The following NFE2L3 variants were observed in gnomAD, a reference collection of about 807,000 sequenced individuals.
NFE2L3 encodes nuclear factor erythroid 2-related factor 3.
Under a neutral mutation model 23.5 loss-of-function variants are expected in NFE2L3, and 18 were observed. The ratio of observed to expected loss-of-function variants is 0.77; its 90% CI spans 0.53 to 1.13. The LOEUF (loss-of-function observed/expected upper bound fraction) is 1.13, where lower values mean the gene tolerates loss of function less well. NFE2L3 is among the 50% of genes most tolerant of loss of function. NFE2L3 has a pLI of 0.00. For synonymous variants in NFE2L3, 424 were observed against 354.5 expected (o/e 1.20, Z -2.20); for missense variants, 1,152 against 877.2 (o/e 1.31, Z -3.96).
chr7:26,168,577 T>A (rs1784287263), intron 1 of NFE2L3, among the ~76,000 whole-genome samples: 1 of 149,174 alleles, frequency 6.7e-6, no homozygotes, highest in African/African-American at 2.4e-5. Context: ...TAGAGAGAGA[T>A]TATAGATATA....
Position 26,187,092 on chromosome 7 carries a change from G to C in NFE2L3, c.*1309G>C, listed in dbSNP as rs1782506621. On this transcript the variant is annotated 3_prime_UTR_variant, in exon 4 of 4. Transcript: ENST00000056233. Reference sequence around the variant, plus strand: ...AGAAATGCAGTTTATATATACCGTTGGATTTTTATAATAAAGTTTCCCAAG... The same window carrying C: ...AGAAATGCAGTTTATATATACCGTTCGATTTTTATAATAAAGTTTCCCAAG... The C allele has an allele frequency of 6.6e-6, 1 of 152,084 alleles. No homozygotes were observed. Among genetic ancestry groups the C allele is most frequent in the Non-Finnish European group, 1.5e-5 (1 of 68,020 alleles). 9.4% of individuals were successfully genotyped at this position (152,084 alleles called of 1,614,324 possible).
intron 2 of NFE2L3, among the ~76,000 whole-genome samples, chr7:26,182,106 C>G (rs1267352501): frequency 6.6e-6 from 1 of 152,018 alleles, no homozygotes; most frequent in Non-Finnish European, 1.5e-5. Flanking sequence ...ACACAGAGCT[C>G]CTAACGAAAA....
In NFE2L3 at chr7:26,185,134, A is replaced by T; in HGVS notation, c.1436A>T (p.Asp479Val). 1.2e-6 allele frequency: 2 copies of T among 1,613,886 alleles called. No homozygotes were observed. The highest frequency in any genetic ancestry group is 2.2e-5 in the South Asian group (2 of 91,072). ...YPEPSKLCHL[D>V]QSDSDFHGDL... ...GAACCCAGTAAGCTTTGTCACTTGGATCAAAGTGATTCTGATTTCCATGGA... is the reference window on the plus strand; with the variant it reads ...GAACCCAGTAAGCTTTGTCACTTGGTTCAAAGTGATTCTGATTTCCATGGA... Residue 479 changes from aspartate to valine, a missense_variant, in exon 4 of 4, where the codon GAT (aspartate) becomes GTT (valine). Physicochemically the swap from Asp to Val is radical, Grantham distance 152. Coordinates refer to ENST00000056233, the MANE Select transcript of NFE2L3 (RefSeq NM_004289.7).
Position 26,185,679 on chromosome 7 carries a change from C to T in NFE2L3, c.1981C>T (p.His661Tyr), listed in dbSNP as rs571455901. 1 of 1,613,842 alleles carries T rather than the reference C, an allele frequency of 6.2e-7. No homozygotes were observed. Among genetic ancestry groups the T allele is most frequent in the South Asian group, 1.1e-5 (1 of 91,046 alleles). Residue 661 changes from histidine to tyrosine, a missense_variant, in exon 4 of 4, where the codon CAC (histidine) becomes TAC (tyrosine). Transcript: ENST00000056233. Reference protein sequence around the residue: ...DDQGRPVNPNHYALQCTHDGS... With the variant: ...DDQGRPVNPNYYALQCTHDGS... The stretch of plus-strand genomic sequence containing the variant: ...CCAAGGTAGGCCAGTCAATCCCAAC[C>T]ACTATGCTCTCCAGTGTACCCATGA...
chr7:26,172,433 A>C (rs540180753), intron 1 of NFE2L3, among the ~76,000 whole-genome samples: 1 of 152,340 alleles, frequency 6.6e-6, no homozygotes, highest in African/African-American at 2.4e-5. Context: ...GATACTTATT[A>C]GTGTATATTT....
At chr7:26,153,320 G>C (rs1472231977) in intron 1 of NFE2L3, among the ~76,000 whole-genome samples, 2 of 152,228 alleles carry the variant, frequency 1.3e-5, no homozygotes, top group Admixed American at 1.3e-4. Flanking sequence ...ACCTTTCCTT[G>C]TGTGTGATGG....
chr7:26,174,866 T>G (rs187546113), intron 1 of NFE2L3: 3 of 152,346 alleles, frequency 2.0e-5, no homozygotes, highest in Admixed American at 2.0e-4. Context: ...TTTAACATGA[T>G]AGTTGAAACT....
intron 1 of NFE2L3, among the ~76,000 whole-genome samples, chr7:26,157,133 A>T (rs1457601857): frequency 6.6e-6 from 1 of 152,046 alleles, no homozygotes; most frequent in South Asian, 2.1e-4. Context: ...AAAGAAAAGA[A>T]ACTGTTGGGC....
chr7:26,168,255 G>C (rs1784280156), intron 1 of NFE2L3, among the ~76,000 whole-genome samples: 1 of 151,374 alleles, frequency 6.6e-6, no homozygotes, highest in South Asian at 2.1e-4. Context: ...TCCTGCCTCA[G>C]CCTCCCAAGT....
At chr7:26,156,903 G>A (rs1784090622) in intron 1 of NFE2L3, among the ~76,000 whole-genome samples, 1 of 152,076 alleles carries the variant, frequency 6.6e-6, no homozygotes, top group South Asian at 2.1e-4. Flanking sequence ...ACGAGATCAA[G>A]ACATCGAGAC....
intron 3 of NFE2L3, chr7:26,184,324 C>T: frequency 1.9e-6 from 1 of 523,940 alleles, no homozygotes. Flanking sequence ...ATCTTAATTT[C>T]TAGGTTACTC....
chr7:26,180,250 AGGGGAGGG>A (rs1784482598), intron 2 of NFE2L3, among the ~76,000 whole-genome samples: 1 of 152,158 alleles, frequency 6.6e-6, no homozygotes, highest in Non-Finnish European at 1.5e-5. Context: ...CTTCAGATGA[AGGGGAGGG>A]GGTAGAGAGC....
At chr7:26,164,237 C>G (rs889152930) in intron 1 of NFE2L3, among the ~76,000 whole-genome samples, 15 of 152,218 alleles carry the variant, frequency 9.9e-5, no homozygotes, top group Non-Finnish European at 2.1e-4. Context: ...GCCACACTGA[C>G]TTCCACAATG....
intron 1 of NFE2L3, among the ~76,000 whole-genome samples, chr7:26,177,733 GTTAAT>G (rs949956282): frequency 6.6e-6 from 1 of 152,226 alleles, no homozygotes; most frequent in Non-Finnish European, 1.5e-5. Flanking sequence ...ATAAGTGCAT[GTTAAT>G]TTAAATTGCA....
intron 1 of NFE2L3, among the ~76,000 whole-genome samples, chr7:26,177,590 G>A (rs150437758): frequency 1.3e-5 from 2 of 152,188 alleles, no homozygotes; most frequent in Admixed American, 1.3e-4. Context: ...GAGGGAGACC[G>A]TCGAAAGGAG....
intron 1 of NFE2L3, among the ~76,000 whole-genome samples, chr7:26,172,083 T>A (rs56413126): frequency 0.029 from 4,342 of 152,346 alleles, 81 homozygotes; most frequent in Middle Eastern, 0.051. Context: ...CTAAAGCAAT[T>A]AGATAAGAAA....
At chr7:26,175,664 AG>A (rs1784390942) in intron 1 of NFE2L3, among the ~76,000 whole-genome samples, 1 of 151,268 alleles carries the variant, frequency 6.6e-6, no homozygotes, top group Non-Finnish European at 1.5e-5. Flanking sequence ...CTGTAGTCCC[AG>A]TTACTGGGGA....
intron 1 of NFE2L3, among the ~76,000 whole-genome samples, chr7:26,159,417 A>T (rs147084518): frequency 4.6e-5 from 7 of 152,112 alleles, no homozygotes; most frequent in Non-Finnish European, 1.0e-4. Flanking sequence ...CATTTCTTCT[A>T]TAGGACTTGG....
At chr7:26,168,079 C>A (rs1392501090) in intron 1 of NFE2L3, among the ~76,000 whole-genome samples, 4 of 144,552 alleles carry the variant, frequency 2.8e-5, no homozygotes, top group African/African-American at 7.6e-5. Context: ...CCCTCACCCC[C>A]CTCTCTCCCT....
Sources: gnomAD v4.1 joint callset for allele counts (sites outside exome capture counted in the v4.1 genomes callset) on GRCh38, gnomAD v4.1.1 for gene constraint, MANE v1.5 for transcripts, NCBI Gene and HGNC (gene_info 2026-07-23, HGNC 2026-07-21) for gene names.